The following SYNRG variants were observed in gnomAD, a reference collection of about 807,000 sequenced individuals.
SYNRG encodes synergin gamma.
Under a neutral mutation model 130.9 loss-of-function variants are expected in SYNRG, and 37 were observed. The ratio of observed to expected loss-of-function variants is 0.28; its 90% confidence interval spans 0.22 to 0.37. The LOEUF is 0.37. Ranked by LOEUF, SYNRG falls within the 10% of genes least tolerant of loss-of-function variation. SYNRG has a pLI of 1.00. For missense variants in SYNRG, 1,338 were observed against 1,588.9 expected (o/e 0.84, Z 2.68); for synonymous variants, 539 against 568.1 (o/e 0.95, Z 0.73).
chr17:37,531,630 T>C (rs888033306), intron 19 of SYNRG, among the ~76,000 whole-genome samples: 9 of 152,020 alleles, frequency 5.9e-5, no homozygotes, highest in African/African-American at 2.2e-4. Context: ...TACAAAAACA[T>C]TGGCTGGGCT....
intron 8 of SYNRG, among the ~76,000 whole-genome samples, chr17:37,574,267 A>T (rs1313518707): frequency 6.6e-6 from 1 of 152,232 alleles, no homozygotes; most frequent in Non-Finnish European, 1.5e-5. Flanking sequence ...GAAATGAATT[A>T]AAGATTTAAA....
chr17:37,529,372 C>G, intron 19 of SYNRG, among the ~76,000 whole-genome samples: 1 of 152,048 alleles, frequency 6.6e-6, no homozygotes, highest in East Asian at 1.9e-4. Context: ...GGGATTATAT[C>G]TGAGTAGGGT....
rs2059494838 is a variant in SYNRG at position 37,561,086 on chromosome 17, C to G, written c.1663+109G>C. On this transcript the variant is annotated intron_variant, in intron 13 of 21. Coordinates refer to ENST00000612223, the MANE Select transcript of SYNRG (RefSeq NM_007247.6). ...ATTCAGTTTTTTTCTCCTAAACACA[C>G]AGACACACACACACTAAAATAAAGG... 8 of 900,692 alleles carry G rather than the reference C, an allele frequency of 8.9e-6. No homozygotes were observed. In the South Asian group the frequency reaches 1.0e-4, roughly 12 times the overall value. 55.8% of individuals were successfully genotyped at this position (900,692 alleles called of 1,614,324 possible).
chr17:37,568,810 T>C lies in SYNRG; in HGVS notation c.1462A>G (p.Asn488Asp). ...TTCTACCTGTTTCCATGCTGGGAGTTACTTGTTTTTGAAGAAGCAGGCAAC... is the reference window on the plus strand; with the variant it reads ...TTCTACCTGTTTCCATGCTGGGAGTCACTTGTTTTTGAAGAAGCAGGCAAC... ...QELPASSKTS[N>D]SQHGNSAPSL... The change falls in exon 11 of 22, where the codon AAC becomes GAC. Residue 488 changes from asparagine to aspartate, a missense_variant. Coordinates refer to ENST00000612223, the MANE Select transcript of SYNRG (RefSeq NM_007247.6). The C allele has an allele frequency of 6.2e-7, 1 of 1,614,054 alleles. No individual in the cohort carries two copies. The highest frequency in any genetic ancestry group is 8.5e-7 in the Non-Finnish European group (1 of 1,179,970).
At chr17:37,601,311 C>T (rs2063259454) in intron 1 of SYNRG, among the ~76,000 whole-genome samples, 1 of 152,146 alleles carries the variant, frequency 6.6e-6, no homozygotes, top group Non-Finnish European at 1.5e-5. Context: ...TCAGGTGATC[C>T]ACCCGCCTCG....
At position 37,580,553 on chromosome 17, in the gene SYNRG, C is replaced by T. The variant is rs191851347; in HGVS notation, c.590-2940G>A. Reference sequence around the variant, plus strand: ...AGAGAGAGACGGAGTCTTGCTCTGTCGCCCAGACTGTTGCTCTGTCGCCCA... The same window carrying T: ...AGAGAGAGACGGAGTCTTGCTCTGTTGCCCAGACTGTTGCTCTGTCGCCCA... On this transcript the variant is annotated intron_variant, in intron 6 of 21. Transcript: ENST00000612223. Among the ~76,000 whole-genome samples, 587 of 148,846 alleles carry T rather than the reference C, an allele frequency of 3.9e-3. 4 individuals are homozygous for T. The highest frequency in any genetic ancestry group is 0.014 in the African/African-American group (555 of 39,758).
At position 37,518,673 on chromosome 17, in the gene SYNRG, A is replaced by C; in HGVS notation, c.*267T>G. 4 of 398,608 alleles carry C rather than the reference A, an allele frequency of 1.0e-5. No individual in the cohort carries two copies. The highest frequency in any genetic ancestry group is 1.8e-5 in the Non-Finnish European group (4 of 223,258). The allele number at this position is 398,608 out of a possible 1,614,324, so 24.7% of individuals were successfully genotyped here. A position where few individuals can be genotyped will look rare whatever the true frequency, so the allele number is the denominator to read the frequency against. ...ACTGCAGCAGCAAGTTCTTCCTTAG[A>C]TCAAGAAAGCCGTGGTCCGTATTTC... On this transcript the variant is annotated 3_prime_UTR_variant, in exon 22 of 22. Transcript: ENST00000612223.
intron 1 of SYNRG, among the ~76,000 whole-genome samples, chr17:37,607,595 C>T (rs1036133482): frequency 6.6e-6 from 1 of 152,148 alleles, no homozygotes. Context: ...TTGAGACCAG[C>T]CTGGCTAACA....
chr17:37,604,240 T>TGAAAA (rs2063545311), intron 1 of SYNRG, among the ~76,000 whole-genome samples: 1 of 142,088 alleles, frequency 7.0e-6, no homozygotes, highest in Non-Finnish European at 1.5e-5. Flanking sequence ...ACTCTGTCTA[T>TGAAAA]AAAAAAAAAA....
chr17:37,559,379 G>GA (rs35972857), intron 13 of SYNRG, among the ~76,000 whole-genome samples: 2,028 of 151,620 alleles, frequency 0.013, 56 homozygotes, highest in African/African-American at 0.046. Flanking sequence ...AACAACAATA[G>GA]AAAAAAAAAT....
Position 37,540,361 on chromosome 17 carries a change from T to A in SYNRG, c.3366+19A>T. On this transcript the variant is annotated intron_variant, in intron 16 of 21. Coordinates refer to ENST00000612223, the MANE Select transcript of SYNRG (RefSeq NM_007247.6). ...TTGCTGGTCTGTTACCCACCCCTTGTAGAAAGCTCTCCTCTCACCTCCACC... is the reference window on the plus strand; with the variant it reads ...TTGCTGGTCTGTTACCCACCCCTTGAAGAAAGCTCTCCTCTCACCTCCACC... 1.2e-6 allele frequency: 2 copies of A among 1,612,288 alleles called. No individual in the cohort carries two copies. Among genetic ancestry groups the A allele is most frequent in the Non-Finnish European group, 1.7e-6 (2 of 1,179,496 alleles).
intron 11 of SYNRG, chr17:37,566,851 T>G (rs1239733546): frequency 6.6e-6 from 1 of 152,174 alleles, no homozygotes; most frequent in Non-Finnish European, 1.5e-5. Context: ...TATAATATAG[T>G]CATCCAACAG....
chr17:37,589,610 G>A (rs1486074443), intron 3 of SYNRG, among the ~76,000 whole-genome samples: 2 of 152,000 alleles, frequency 1.3e-5, no homozygotes, highest in Admixed American at 6.6e-5. Flanking sequence ...TTAGCCGGGC[G>A]TGGTGGCGGG....
At chr17:37,573,746 A>T (rs1055015856) in intron 8 of SYNRG, among the ~76,000 whole-genome samples, 2 of 152,058 alleles carry the variant, frequency 1.3e-5, no homozygotes, top group African/African-American at 4.8e-5. Flanking sequence ...ATTGAAGGGG[A>T]CATAAAAAAA....
chr17:37,550,819 G>A (rs754804020), intron 14 of SYNRG, among the ~76,000 whole-genome samples: 18 of 152,182 alleles, frequency 1.2e-4, no homozygotes, highest in Non-Finnish European at 2.1e-4. Flanking sequence ...TGTCACAGAT[G>A]AGGGTCAGCT....
intron 2 of SYNRG, among the ~76,000 whole-genome samples, chr17:37,597,239 A>G (rs1010010806): frequency 6.6e-6 from 1 of 152,222 alleles, no homozygotes; most frequent in Admixed American, 6.5e-5. Context: ...CAGCATCTCC[A>G]TGAAACTTTC....
intron 3 of SYNRG, among the ~76,000 whole-genome samples, chr17:37,591,429 C>T (rs1485426819): frequency 6.6e-6 from 1 of 152,152 alleles, no homozygotes; most frequent in Non-Finnish European, 1.5e-5. Flanking sequence ...CAATGCCTAT[C>T]AAAACTCCAG....
At chr17:37,570,113 A>G (rs1331767944) in intron 10 of SYNRG, among the ~76,000 whole-genome samples, 1 of 149,912 alleles carries the variant, frequency 6.7e-6, no homozygotes, top group African/African-American at 2.4e-5. Flanking sequence ...TAATGTGACT[A>G]CTAGGATAGA....
chr17:37,523,336 T>A (rs2055383724), intron 19 of SYNRG, among the ~76,000 whole-genome samples: 1 of 152,086 alleles, frequency 6.6e-6, no homozygotes, highest in South Asian at 2.1e-4. Flanking sequence ...TACTTTTTAT[T>A]TTTAGTAGAG....
Sources: gnomAD v4.1 joint callset for allele counts (sites outside exome capture counted in the v4.1 genomes callset) on GRCh38, gnomAD v4.1.1 for gene constraint, MANE v1.5 for transcripts, NCBI Gene and HGNC (gene_info 2026-07-23, HGNC 2026-07-21) for gene names.